The following DDX10 variants were observed in gnomAD, a reference collection of about 807,000 sequenced individuals.
The protein encoded by DDX10 is probable ATP-dependent RNA helicase DDX10.
DDX10 carries 74 observed loss-of-function variants against 104.3 expected under a neutral mutation model. The observed-to-expected ratio is 0.71, with a 90% CI of 0.59 to 0.86. DDX10 has a LOEUF of 0.86. Among genes scored for constraint, DDX10 ranks in the 40% least tolerant of loss-of-function variants. The pLI, the probability that DDX10 is intolerant of heterozygous loss-of-function variation, is 0.00. For missense variants in DDX10, 952 were observed against 1,040.0 expected (o/e 0.92, Z 1.16); for synonymous variants, 351 against 353.4 (o/e 0.99, Z 0.08).
intron 14 of DDX10, among the ~76,000 whole-genome samples, chr11:108,840,878 C>T (rs181207853): frequency 6.0e-4 from 91 of 152,252 alleles, no homozygotes; most frequent in African/African-American, 2.1e-3. Context: ...CATAAAACAA[C>T]GCAGTGCAAT....
At chr11:108,718,142 C>T (rs904516889) in intron 11 of DDX10, among the ~76,000 whole-genome samples, 1 of 151,244 alleles carries the variant, frequency 6.6e-6, no homozygotes, top group Non-Finnish European at 1.5e-5. Flanking sequence ...TGCAGCTGGC[C>T]TACAGAGCGA....
intron 16 of DDX10, among the ~76,000 whole-genome samples, chr11:108,895,294 T>C (rs1465074126): frequency 1.3e-5 from 2 of 151,922 alleles, no homozygotes; most frequent in African/African-American, 4.8e-5. Context: ...GTGTGATTTG[T>C]TTCTTCTGAG....
intron 6 of DDX10, among the ~76,000 whole-genome samples, chr11:108,684,465 C>T (rs971603874): frequency 1.8e-4 from 27 of 147,028 alleles, no homozygotes; most frequent in African/African-American, 5.7e-4. Context: ...GTTTTTTGTT[C>T]TTGCGATAGT....
At chr11:108,732,505 T>A (rs2094313492) in intron 13 of DDX10, among the ~76,000 whole-genome samples, 1 of 152,202 alleles carries the variant, frequency 6.6e-6, no homozygotes, top group Admixed American at 6.5e-5. Flanking sequence ...GCCTTTAGAC[T>A]TCGGCGTAAA....
chr11:108,734,727 T>C, intron 13 of DDX10, among the ~76,000 whole-genome samples: 1 of 152,222 alleles, frequency 6.6e-6, no homozygotes, highest in African/African-American at 2.4e-5. Context: ...GCCGTATTTA[T>C]CTTTATTTTA....
rs372390879 is a variant in DDX10 at position 108,778,452 on chromosome 11, T to C, written c.1965+54990T>C. ...AAAACAAGCAATGGGGAAAGGATTCTCTATTTAATAAATGGTGCTGGGAAA... is the reference window on the plus strand; with the variant it reads ...AAAACAAGCAATGGGGAAAGGATTCCCTATTTAATAAATGGTGCTGGGAAA... On this transcript the variant is annotated intron_variant, in intron 13 of 17. Transcript: ENST00000322536. 2.1e-3 allele frequency among the ~76,000 whole-genome samples: 317 copies of C among 152,228 alleles called. 1 individual carries two copies. Among genetic ancestry groups the C allele is most frequent in the Non-Finnish European group, 3.2e-3 (217 of 67,990 alleles).
At position 108,939,710 on chromosome 11, in the gene DDX10, T is replaced by G. The variant is rs527912903; in HGVS notation, c.2451-536T>G. 6.6e-5 allele frequency among the ~76,000 whole-genome samples: 10 copies of G among 152,328 alleles called. No homozygotes were observed. In the South Asian group the frequency reaches 2.1e-3, roughly 32 times the overall value. ...GTTTGCTTTCTTAAGGCTATCTGTA[T>G]CTTTGATACAGATTTTTAAATGGAG... On this transcript the variant is annotated intron_variant, in intron 17 of 17. Transcript: ENST00000322536.
intron 16 of DDX10, among the ~76,000 whole-genome samples, chr11:108,903,653 A>G (rs531160509): frequency 2.0e-5 from 3 of 152,290 alleles, no homozygotes; most frequent in East Asian, 1.9e-4. Context: ...TTATATGCAT[A>G]TATCATTTCA....
intron 14 of DDX10, among the ~76,000 whole-genome samples, chr11:108,839,428 A>T (rs1247682505): frequency 3.3e-5 from 5 of 152,188 alleles, no homozygotes; most frequent in Non-Finnish European, 7.3e-5. Flanking sequence ...CTTGAGAGGA[A>T]GGTATTTTGT....
intron 15 of DDX10, among the ~76,000 whole-genome samples, chr11:108,847,012 C>T (rs567074291): frequency 2.0e-5 from 3 of 152,294 alleles, no homozygotes; most frequent in South Asian, 2.1e-4. Context: ...CTTTAAGCAC[C>T]GCTTTCTTAT....
chr11:108,794,896 G>A (rs938661464), intron 13 of DDX10, among the ~76,000 whole-genome samples: 1 of 32,940 alleles, frequency 3.0e-5, no homozygotes, highest in Non-Finnish European at 9.0e-5. Flanking sequence ...GCACCATTTC[G>A]GCTCACCTGT....
At chr11:108,693,742 A>G in intron 9 of DDX10, 142 bp downstream of exon 9, 1 of 683,258 alleles carries the variant, frequency 1.5e-6, no homozygotes, top group South Asian at 1.7e-5. Flanking sequence ...CAGCTACTGT[A>G]AATCATTATG....
chr11:108,838,675 A>G (rs1862595227), intron 14 of DDX10, 110 bp downstream of exon 14: 1 of 1,227,232 alleles, frequency 8.1e-7, no homozygotes, highest in East Asian at 2.6e-5. Flanking sequence ...TCTCTACAGC[A>G]TGCTGGGCCA....
chr11:108,890,234 A>G (rs1206995266), intron 16 of DDX10, among the ~76,000 whole-genome samples: 1 of 152,174 alleles, frequency 6.6e-6, no homozygotes, highest in East Asian at 1.9e-4. Context: ...AAAAATATGA[A>G]ATATGGAACC....
chr11:108,784,824 G>A (rs1450087350), intron 13 of DDX10, among the ~76,000 whole-genome samples: 1 of 152,040 alleles, frequency 6.6e-6, no homozygotes, highest in Non-Finnish European at 1.5e-5. Context: ...TATAGTTTGA[G>A]GTCTTACATT....
chr11:108,730,815 A>G (rs2094311130), intron 13 of DDX10, among the ~76,000 whole-genome samples: 1 of 151,366 alleles, frequency 6.6e-6, no homozygotes, highest in Non-Finnish European at 1.5e-5. Flanking sequence ...ATACTATAAG[A>G]AGTTCTATCT....
At chr11:108,675,397 G>A (rs141267855) in intron 2 of DDX10, among the ~76,000 whole-genome samples, 199 bp from the exon 3 acceptor site, 60 of 152,208 alleles carry the variant, frequency 3.9e-4, no homozygotes, top group African/African-American at 1.3e-3. Flanking sequence ...GACACCGTTT[G>A]TGTTGGATCA....
intron 17 of DDX10, among the ~76,000 whole-genome samples, chr11:108,928,566 T>C (rs537038531): frequency 6.6e-6 from 1 of 152,334 alleles, no homozygotes; most frequent in African/African-American, 2.4e-5. Flanking sequence ...TACTTGGCTT[T>C]GTGGGGAAAA....
intron 1 of DDX10, among the ~76,000 whole-genome samples, chr11:108,666,899 C>T (rs1345830363): frequency 6.6e-6 from 1 of 152,218 alleles, no homozygotes; most frequent in Non-Finnish European, 1.5e-5. Context: ...GGATCATTTT[C>T]AGCACCACAT....
Sources: gnomAD v4.1 joint callset for allele counts (sites outside exome capture counted in the v4.1 genomes callset) on GRCh38, gnomAD v4.1.1 for gene constraint, MANE v1.5 for transcripts, NCBI Gene and HGNC (gene_info 2026-07-23, HGNC 2026-07-21) for gene names.